The following ZNF730 variants were observed in gnomAD, a reference collection of about 807,000 sequenced individuals.
The protein encoded by ZNF730 is zinc finger protein 730.
A neutral mutation model predicts 12.6 loss-of-function variants in ZNF730; 12 were observed. The observed-to-expected ratio is 0.95, with a 90% CI of 0.61 to 1.54. ZNF730 has a LOEUF of 1.54. Ranked by LOEUF, ZNF730 falls within the 40% of genes most tolerant of loss-of-function variation. ZNF730 has a pLI of 0.00. For synonymous variants in ZNF730, 194 were observed against 195.8 expected (o/e 0.99, Z 0.08); for missense variants, 643 against 583.5 (o/e 1.10, Z -1.05).
chr19:23,078,261 A>G (rs1969902126), intron 1 of ZNF730, among the ~76,000 whole-genome samples: 1 of 152,056 alleles, frequency 6.6e-6, no homozygotes, highest in South Asian at 2.1e-4. Context: ...ATAGTAGAAT[A>G]TAGTAGAATG....
intron 1 of ZNF730, among the ~76,000 whole-genome samples, chr19:23,094,038 G>A (rs1400105607): frequency 1.3e-5 from 2 of 152,156 alleles, no homozygotes; most frequent in Non-Finnish European, 2.9e-5. Flanking sequence ...ATCCAGCAGA[G>A]GGTGCGATTG....
chr19:23,146,659 A>G lies in ZNF730; in HGVS notation c.*103A>G, dbSNP rs1235749237. The G allele has an allele frequency of 6.5e-7, 1 of 1,546,648 alleles. No individual in the cohort carries two copies. Among genetic ancestry groups the G allele is most frequent in the African/African-American group, 1.4e-5 (1 of 73,536 alleles). Reference sequence around the variant, plus strand: ...ACCCTACAAATGTGAAGAATGTGGCAAAGCTTTTAACCAGTCCTCAAATCT... The same window carrying G: ...ACCCTACAAATGTGAAGAATGTGGCGAAGCTTTTAACCAGTCCTCAAATCT... On this transcript the variant is annotated 3_prime_UTR_variant, in exon 4 of 4. Coordinates refer to ENST00000597761, the MANE Select transcript of ZNF730 (RefSeq NM_001277403.2).
At chr19:23,103,231 A>T (rs1970355875) in intron 1 of ZNF730, among the ~76,000 whole-genome samples, 1 of 152,246 alleles carries the variant, frequency 6.6e-6, no homozygotes, top group Non-Finnish European at 1.5e-5. Context: ...TTTGAATTAG[A>T]CAAAATAGAG....
chr19:23,085,857 TTTTTTTG>T (rs1284050618), intron 1 of ZNF730, among the ~76,000 whole-genome samples: 8 of 113,508 alleles, frequency 7.0e-5, no homozygotes, highest in African/African-American at 1.9e-4. Flanking sequence ...TTTTTTTTTT[TTTTTTTG>T]AGATGGAGTC....
intron 1 of ZNF730, among the ~76,000 whole-genome samples, chr19:23,129,403 A>T (rs550528047): frequency 6.6e-6 from 1 of 152,246 alleles, no homozygotes; most frequent in Admixed American, 6.5e-5. Context: ...ATGGGAACCC[A>T]CTTTTTGCAT....
At chr19:23,130,793 A>T (rs550362029) in intron 1 of ZNF730, among the ~76,000 whole-genome samples, 1 of 152,316 alleles carries the variant, frequency 6.6e-6, no homozygotes, top group Non-Finnish European at 1.5e-5. Flanking sequence ...GGAAAAACAA[A>T]ACTGGAAATA....
chr19:23,111,605 C>T (rs1442592821), intron 1 of ZNF730, among the ~76,000 whole-genome samples: 1 of 151,812 alleles, frequency 6.6e-6, no homozygotes, highest in East Asian at 1.9e-4. Flanking sequence ...AAAAATTAGC[C>T]GGGCATGGTG....
intron 1 of ZNF730, chr19:23,100,510 T>G (rs1970322062): frequency 6.6e-6 from 1 of 152,104 alleles, no homozygotes; most frequent in South Asian, 2.1e-4. Flanking sequence ...TCTTGAGAAT[T>G]GTCACCCTCA....
intron 1 of ZNF730, among the ~76,000 whole-genome samples, chr19:23,120,025 C>T (rs563410086): frequency 2.3e-4 from 34 of 145,958 alleles, no homozygotes; most frequent in Non-Finnish European, 1.9e-4. Flanking sequence ...GGCAGAGCCT[C>T]GCTCTGTTGC....
chr19:23,109,271 C>T lies in ZNF730; in HGVS notation c.-93-24809C>T, dbSNP rs1377300595. 3.3e-5 allele frequency among the ~76,000 whole-genome samples: 5 copies of T among 151,998 alleles called. No homozygotes were observed. The East Asian group carries it at 9.7e-4, about 29-fold the overall frequency. ...TTTGAGACGGAGTCTTGCTCTGTCA[C>T]CAGGCTGGAGTGCAGTGGTGCAATC... On this transcript the variant is annotated intron_variant, in intron 1 of 2. Transcript: ENST00000593635.
intron 1 of ZNF730, among the ~76,000 whole-genome samples, chr19:23,099,159 T>C (rs1970298339): frequency 6.6e-6 from 1 of 152,166 alleles, no homozygotes; most frequent in African/African-American, 2.4e-5. Flanking sequence ...AATTGTGATA[T>C]CATATGTGAA....
At chr19:23,141,161 G>A (rs1235521948) in intron 3 of ZNF730, among the ~76,000 whole-genome samples, 7 of 152,098 alleles carry the variant, frequency 4.6e-5, no homozygotes, top group Non-Finnish European at 7.4e-5. Flanking sequence ...TTGGGACGCC[G>A]AGGTGGGTGG....
At chr19:23,093,084 G>A (rs952840649) in intron 1 of ZNF730, among the ~76,000 whole-genome samples, 5 of 152,024 alleles carry the variant, frequency 3.3e-5, no homozygotes, top group African/African-American at 1.2e-4. Flanking sequence ...TCCGCCTCCC[G>A]GGTTCAAGTG....
At chr19:23,143,736 G>A (rs1970962965) in intron 3 of ZNF730, 1 of 151,952 alleles carries the variant, frequency 6.6e-6, no homozygotes, top group African/African-American at 2.4e-5. Context: ...TTTTTTCCCA[G>A]GACTTTGACT....
chr19:23,142,900 A>G (rs917733708), intron 3 of ZNF730, among the ~76,000 whole-genome samples: 2 of 151,864 alleles, frequency 1.3e-5, no homozygotes, highest in Non-Finnish European at 2.9e-5. Flanking sequence ...TTGTGTATCT[A>G]TACAGATATT....
chr19:23,082,051 T>C (rs1452066475), intron 1 of ZNF730, among the ~76,000 whole-genome samples: 3 of 152,196 alleles, frequency 2.0e-5, no homozygotes, highest in Admixed American at 6.5e-5. Flanking sequence ...TGGACTTTGC[T>C]AACTATTTTG....
intron 1 of ZNF730, chr19:23,127,287 TA>T: frequency 1.5e-6 from 1 of 671,806 alleles, no homozygotes. Context: ...AAATCTTGAT[TA>T]TATTCCAAGA....
upstream of ZNF730, among the ~76,000 whole-genome samples, chr19:23,112,296 AGTTAAGTTT>A (rs1568309069): frequency 6.6e-6 from 1 of 152,202 alleles, no homozygotes; most frequent in East Asian, 1.9e-4. Flanking sequence ...TGATACTCTT[AGTTAAGTTT>A]GTTTATGGCT....
chr19:23,111,424 ATT>A (rs1970459732), intron 1 of ZNF730, among the ~76,000 whole-genome samples: 1 of 152,172 alleles, frequency 6.6e-6, no homozygotes, highest in Non-Finnish European at 1.5e-5. Context: ...AAAGATACTT[ATT>A]TCTCTAGACA....
Sources: gnomAD v4.1 joint callset for allele counts (sites outside exome capture counted in the v4.1 genomes callset) on GRCh38, gnomAD v4.1.1 for gene constraint, MANE v1.5 for transcripts, NCBI Gene and HGNC (gene_info 2026-07-23, HGNC 2026-07-21) for gene names.